Variants in TPH2 observed in about 807,000 individuals in gnomAD.
TPH2 encodes the protein tryptophan hydroxylase 2.
In TPH2, 27 loss-of-function variants were observed where a neutral mutation model predicts 59.1. The ratio of observed to expected loss-of-function variants is 0.46; its 90% CI spans 0.34 to 0.63. The LOEUF (loss-of-function observed/expected upper bound fraction) is 0.63, where lower values mean the gene tolerates loss of function less well. Ranked by LOEUF, TPH2 falls within the 30% of genes least tolerant of loss-of-function variation. The pLI is 0.01. For synonymous variants in TPH2, 220 were observed against 210.5 expected, an observed-to-expected ratio of 1.05 and a Z score of -0.39; for missense variants, 523 against 588.3, an observed-to-expected ratio of 0.89 and a Z score of 1.15.
At chr12:72,001,511 C>T (rs567962423) in intron 8 of TPH2, among the ~76,000 whole-genome samples, 6 of 151,798 alleles carry the variant, frequency 4.0e-5, no homozygotes, top group Admixed American at 1.3e-4. Context: ...CTGTAACCTC[C>T]GCCTCCCAGG....
intron 2 of TPH2, among the ~76,000 whole-genome samples, chr12:71,943,167 A>G (rs892833906): frequency 6.6e-6 from 1 of 152,168 alleles, no homozygotes; most frequent in African/African-American, 2.4e-5. Context: ...TATTATTGTA[A>G]AGGTTAATAA....
intron 5 of TPH2, among the ~76,000 whole-genome samples, chr12:71,969,884 T>C (rs2139201655): frequency 6.6e-6 from 1 of 152,308 alleles, no homozygotes; most frequent in East Asian, 1.9e-4. Flanking sequence ...AGCCTCACTT[T>C]CCTCATCCAT....
chr12:71,988,620 C>A (rs533046007), intron 7 of TPH2, among the ~76,000 whole-genome samples: 114 of 152,250 alleles, frequency 7.5e-4, no homozygotes, highest in Middle Eastern at 3.4e-3. Context: ...AAATCCACCC[C>A]CGTGATCCAG....
At chr12:71,988,355 TAAAGA>T (rs1292292563) in intron 7 of TPH2, among the ~76,000 whole-genome samples, 2 of 152,094 alleles carry the variant, frequency 1.3e-5, no homozygotes, top group East Asian at 3.9e-4. Context: ...GGGAAATTTG[TAAAGA>T]AAAGGGGTTT....
intron 9 of TPH2, among the ~76,000 whole-genome samples, chr12:72,028,293 A>G (rs1219462094): frequency 2.0e-5 from 3 of 152,174 alleles, no homozygotes; most frequent in Non-Finnish European, 4.4e-5. Context: ...GACATCAAGT[A>G]GTTTGGTTCA....
intron 8 of TPH2, among the ~76,000 whole-genome samples, chr12:72,000,520 A>ATGC (rs1028920006): frequency 1.3e-5 from 2 of 152,194 alleles, no homozygotes; most frequent in East Asian, 1.9e-4. Flanking sequence ...ATCTCACATC[A>ATGC]TGCTGCTGCT....
chr12:72,001,765 A>G (rs556693248), intron 8 of TPH2, among the ~76,000 whole-genome samples: 8 of 152,026 alleles, frequency 5.3e-5, no homozygotes, highest in African/African-American at 1.9e-4. Context: ...TAAACTTACC[A>G]TATCTCCTCC....
In TPH2 at chr12:71,979,226, G is replaced by A. The variant is rs935220737; in HGVS notation, c.941+139G>A. 5 of 1,311,704 alleles carry A rather than the reference G, an allele frequency of 3.8e-6. No individual in the cohort carries two copies. In the African/African-American group the frequency reaches 7.3e-5, roughly 19 times the overall value. 81.3% of individuals were successfully genotyped at this position (1,311,704 alleles called of 1,614,324 possible). On this transcript the variant is annotated intron_variant, in intron 7 of 10. Coordinates refer to ENST00000333850, the MANE Select transcript of TPH2 (RefSeq NM_173353.4). ...GAGAGTCACATCACTCACCTAAAGA[G>A]AAAAGGGCTCACTGAAGGATCAGAC... is the stretch of plus-strand genomic sequence containing the variant.
At chr12:72,000,485 G>T (rs1031352784) in intron 8 of TPH2, among the ~76,000 whole-genome samples, 1 of 152,182 alleles carries the variant, frequency 6.6e-6, no homozygotes, top group African/African-American at 2.4e-5. Context: ...CTAGAGTGAG[G>T]CCTGAGACTT....
intron 9 of TPH2, among the ~76,000 whole-genome samples, chr12:72,028,859 G>A (rs145727261): frequency 1.8e-4 from 28 of 152,274 alleles, no homozygotes; most frequent in Admixed American, 1.0e-3. Context: ...TTGGTCAAGC[G>A]TGATCTATAT....
intron 2 of TPH2, among the ~76,000 whole-genome samples, chr12:71,943,891 G>C (rs1478294915): frequency 6.6e-6 from 1 of 151,792 alleles, no homozygotes; most frequent in African/African-American, 2.4e-5. Context: ...TTATATTAGG[G>C]GTTTGAGTTT....
chr12:72,024,539 AG>A (rs1322376323), intron 9 of TPH2, among the ~76,000 whole-genome samples: 2 of 152,376 alleles, frequency 1.3e-5, no homozygotes, highest in East Asian at 3.9e-4. Flanking sequence ...ATCCCCAATA[AG>A]GGCATGCACT....
chr12:72,010,327 T>C (rs1873067180), intron 8 of TPH2, among the ~76,000 whole-genome samples: 1 of 152,140 alleles, frequency 6.6e-6, no homozygotes, highest in Non-Finnish European at 1.5e-5. Context: ...CAACTGAGCT[T>C]AAATGCCTTC....
intron 7 of TPH2, among the ~76,000 whole-genome samples, chr12:71,994,217 T>G (rs983488589): frequency 1.3e-5 from 2 of 152,250 alleles, no homozygotes; most frequent in Non-Finnish European, 2.9e-5. Flanking sequence ...GTTGCTTTTA[T>G]GTTATTAAAA....
chr12:71,945,219 A>G (rs1871168525), intron 4 of TPH2, among the ~76,000 whole-genome samples: 2 of 152,318 alleles, frequency 1.3e-5, no homozygotes, highest in South Asian at 2.1e-4. Flanking sequence ...CCCTGAATCT[A>G]TCTACCATCA....
At chr12:71,964,874 T>G in intron 5 of TPH2, 5 of 420,092 alleles carry the variant, frequency 1.2e-5, no homozygotes, top group Non-Finnish European at 1.6e-5. Flanking sequence ...TACATATTAT[T>G]TCATCACCCA....
At chr12:71,971,541 A>T (rs17110540) in intron 5 of TPH2, among the ~76,000 whole-genome samples, 28,325 of 152,076 alleles carry the variant, frequency 0.19, 3,192 homozygotes, top group East Asian at 0.34. Flanking sequence ...AGCACGAGGT[A>T]TATTCCTTGC....
At chr12:71,954,799 A>C (rs1188145348) in intron 5 of TPH2, among the ~76,000 whole-genome samples, 2 of 151,246 alleles carry the variant, frequency 1.3e-5, no homozygotes, top group African/African-American at 4.9e-5. Context: ...GGCTGTTACA[A>C]TGATTATTCC....
chr12:71,949,671 A>C lies in TPH2; in HGVS notation c.608+16A>C, dbSNP rs1469032307. ...GTTATAAATAGTAAGTACCTGTATAACTCTTTCTTGTCACTGGCTAGTTAG... is the reference window on the plus strand; with the variant it reads ...GTTATAAATAGTAAGTACCTGTATACCTCTTTCTTGTCACTGGCTAGTTAG... On this transcript the variant is annotated intron_variant, in intron 5 of 10. Transcript: ENST00000333850. 6.2e-7 allele frequency: 1 copy of C among 1,604,630 alleles called. No homozygotes were observed. Among genetic ancestry groups the C allele is most frequent in the Non-Finnish European group, 8.5e-7 (1 of 1,171,620 alleles).
Sources: gnomAD v4.1 joint callset for allele counts (sites outside exome capture counted in the v4.1 genomes callset) on GRCh38, gnomAD v4.1.1 for gene constraint, MANE v1.5 for transcripts, NCBI Gene and HGNC (gene_info 2026-07-23, HGNC 2026-07-21) for gene names.